The following DNAH12 variants were observed in gnomAD, a reference collection of about 807,000 sequenced individuals.
The protein encoded by DNAH12 is axonemal beta dynein heavy chain 12.
Under a neutral mutation model 371.5 loss-of-function variants are expected in DNAH12, and 285 were observed. That is an observed-to-expected ratio of 0.77 (90% CI 0.70 to 0.85). The LOEUF (loss-of-function observed/expected upper bound fraction) is 0.85. Among genes scored for constraint, DNAH12 ranks in the 40% least tolerant of loss-of-function variants. The probability of loss-of-function intolerance (pLI) is 0.00; values close to 1 mark genes in which losing one functional copy is unlikely to be tolerated. For synonymous variants in DNAH12, 1,200 were observed against 1,213.0 expected (o/e 0.99, Z 0.22); for missense variants, 3,611 against 3,689.4 (o/e 0.98, Z 0.55).
chr3:57,301,663 T>G (rs62252001), intron 70 of DNAH12, 72 bp downstream of exon 70: 1 of 1,407,168 alleles, frequency 7.1e-7, no homozygotes, highest in African/African-American at 1.5e-5. Flanking sequence ...TTTTACATAT[T>G]TATACATGTA....
At chr3:57,485,611 G>A (rs1174911196) in intron 12 of DNAH12, among the ~76,000 whole-genome samples, 1 of 151,842 alleles carries the variant, frequency 6.6e-6, no homozygotes, top group Non-Finnish European at 1.5e-5. Context: ...ATGTTGGCCA[G>A]GCTGGTCTTG....
intron 60 of DNAH12, among the ~76,000 whole-genome samples, chr3:57,343,610 A>G (rs1382213977): frequency 1.3e-5 from 2 of 152,192 alleles, no homozygotes; most frequent in Admixed American, 1.3e-4. Context: ...GAAAGACCTG[A>G]CCGTCCCCCA....
intron 2 of DNAH12, chr3:57,530,322 G>T: frequency 2.5e-6 from 1 of 397,156 alleles, no homozygotes; most frequent in Non-Finnish European, 4.7e-6. Flanking sequence ...TATTACATAA[G>T]CAAATACAGA....
chr3:57,486,409 A>C (rs997120515), intron 12 of DNAH12, among the ~76,000 whole-genome samples: 3 of 151,344 alleles, frequency 2.0e-5, no homozygotes, highest in African/African-American at 7.3e-5. Flanking sequence ...GTCTCTATTA[A>C]ATTTTTTTTA....
intron 41 of DNAH12, 143 bp from the exon 42 acceptor site, chr3:57,405,290 T>G (rs372752604): frequency 3.0e-6 from 2 of 677,548 alleles, no homozygotes; most frequent in South Asian, 4.6e-5. Context: ...ATAAAATTAA[T>G]ACCTGAAATT....
intron 2 of DNAH12, among the ~76,000 whole-genome samples, chr3:57,538,401 C>A (rs547524964): frequency 1.0e-5 from 1 of 96,368 alleles, no homozygotes; most frequent in Admixed American, 1.2e-4. Context: ...ACTTACAGAT[C>A]TGTATAAAGC....
Position 57,408,505 on chromosome 3 carries a change from C to T in DNAH12, c.6051G>A (p.Thr2017=), listed in dbSNP as rs1241993621. 7.7e-6 allele frequency: 12 copies of T among 1,548,586 alleles called. No individual in the cohort carries two copies. The highest frequency in any genetic ancestry group is 2.7e-5 in the African/African-American group (2 of 73,038). ...CAGCAATCAGCTCTATGTCCACCAGCGTGATTTTACTTGTGTCCTTAAGGT... is the reference window on the plus strand; with the variant it reads ...CAGCAATCAGCTCTATGTCCACCAGTGTGATTTTACTTGTGTCCTTAAGGT... ...WYDLKDTSKI[T]LVDIELIAAM... The change falls in exon 40 of 74, where the codon ACG becomes ACA. Residue 2017 remains threonine (T), a synonymous_variant. Transcript: ENST00000495027.
intron 4 of DNAH12, among the ~76,000 whole-genome samples, chr3:57,515,996 C>G (rs1292663878): frequency 6.7e-6 from 1 of 148,688 alleles, no homozygotes; most frequent in Admixed American, 6.7e-5. Context: ...GTTGCTCACT[C>G]CAAAATTCTT....
At chr3:57,508,802 A>C (rs2067874045) in intron 6 of DNAH12, among the ~76,000 whole-genome samples, 4 of 152,194 alleles carry the variant, frequency 2.6e-5, no homozygotes, top group Admixed American at 2.6e-4. Flanking sequence ...AGCTCTGCTA[A>C]CTTCCACTGT....
At chr3:57,355,229 C>T (rs1024985655) in intron 59 of DNAH12, among the ~76,000 whole-genome samples, 1 of 152,014 alleles carries the variant, frequency 6.6e-6, no homozygotes, top group African/African-American at 2.4e-5. Flanking sequence ...ATACATAGGA[C>T]CATGGGAATG....
At chr3:57,410,583 C>A (rs892024292) in intron 39 of DNAH12, among the ~76,000 whole-genome samples, 2 of 152,034 alleles carry the variant, frequency 1.3e-5, no homozygotes, top group East Asian at 1.9e-4. Flanking sequence ...CTTTAGGAGG[C>A]CAAGGTGGTG....
rs1345351581 is a variant in DNAH12 at position 57,296,912 on chromosome 3, C to T, written c.11467G>A (p.Gly3823Arg). The change falls in exon 71 of 74, where the codon GGA (glycine) becomes AGA (arginine). Residue 3823 changes from glycine to arginine, a missense_variant. By Grantham distance (125) the Gly-to-Arg change is moderately radical. Coordinates refer to ENST00000495027, the MANE Select transcript of DNAH12 (RefSeq NM_001366028.2). Reference protein sequence around the residue: ...GFFFTQAFLTGAMQNYARKYT... With the variant: ...GFFFTQAFLTRAMQNYARKYT... ...TTTCTGGCATAATTCTGCATAGCTC[C>T]AGTTAAAAAGGCCTGAGTGAAAAAG... 1 of 1,551,632 alleles carries T rather than the reference C, an allele frequency of 6.4e-7. No homozygotes were observed. Among genetic ancestry groups the T allele is most frequent in the South Asian group, 1.2e-5 (1 of 84,062 alleles).
intron 11 of DNAH12, chr3:57,498,477 T>C (rs1334415281): frequency 1.4e-6 from 1 of 712,252 alleles, no homozygotes; most frequent in East Asian, 2.7e-5. Flanking sequence ...CTACTATGCC[T>C]GGCTTAACAG....
chr3:57,357,144 C>T (rs1393414603), intron 59 of DNAH12, 32 bp downstream of exon 59: 28 of 152,004 alleles, frequency 1.8e-4, no homozygotes, highest in African/African-American at 6.0e-4. Flanking sequence ...AATCCAACCT[C>T]GGGAAGATGA....
chr3:57,383,209 T>A (rs2063431968), intron 49 of DNAH12, among the ~76,000 whole-genome samples: 2 of 152,180 alleles, frequency 1.3e-5, no homozygotes, highest in African/African-American at 4.8e-5. Flanking sequence ...CTTCCAACAA[T>A]TCTGTAATCC....
In DNAH12 at chr3:57,310,876, T is replaced by C. The variant is rs753691090; in HGVS notation, c.10737A>G (p.Gly3579=). The C allele has an allele frequency of 1.3e-5, 20 of 1,551,598 alleles. No individual in the cohort carries two copies. Among genetic ancestry groups the C allele is most frequent in the Middle Eastern group, 1.7e-4 (1 of 5,990 alleles). Reference sequence around the variant, plus strand: ...GTCTGTCCCAATCGTCTGTCACTCTTCCTCCATAATTACACTCCCCAGTCA... The same window carrying C: ...GTCTGTCCCAATCGTCTGTCACTCTCCCTCCATAATTACACTCCCCAGTCA... ...SYLTGECNYG[G]RVTDDWDRRL... Residue 3579 remains glycine, a synonymous_variant, in exon 67 of 74, where the codon GGA becomes GGG. Coordinates refer to ENST00000495027, the MANE Select transcript of DNAH12 (RefSeq NM_001366028.2).
intron 29 of DNAH12, among the ~76,000 whole-genome samples, chr3:57,440,324 C>T (rs1357581214): frequency 2.0e-5 from 3 of 152,144 alleles, no homozygotes; most frequent in Non-Finnish European, 4.4e-5. Flanking sequence ...TACATATATA[C>T]CATGGAATAC....
intron 37 of DNAH12, among the ~76,000 whole-genome samples, chr3:57,418,180 A>T (rs7642861): frequency 1.3e-5 from 2 of 151,068 alleles, no homozygotes; most frequent in South Asian, 2.1e-4. Context: ...CAAATAAATA[A>T]ATATATATAT....
rs1282251622 is a variant in DNAH12 at position 57,446,528 on chromosome 3, T to G, written c.3939+9A>C. On this transcript the variant is annotated intron_variant, in intron 26 of 73. Transcript: ENST00000495027. ...ACATTTAATATTATTGATTCAGCAA[T>G]TTAACTACCTTTCCCATTGCTAGAT... is the stretch of plus-strand genomic sequence containing the variant. 4 of 1,518,150 alleles carry G rather than the reference T, an allele frequency of 2.6e-6. No individual in the cohort carries two copies. The highest frequency in any genetic ancestry group is 3.5e-6 in the Non-Finnish European group (4 of 1,131,840). 94.0% of individuals were successfully genotyped at this position (1,518,150 alleles called of 1,614,324 possible). A position where few individuals can be genotyped will look rare whatever the true frequency, so the allele number is the denominator to read the frequency against.
Sources: allele counts gnomAD v4.1 joint callset (sites outside exome capture counted in the v4.1 genomes callset), GRCh38; gene constraint gnomAD v4.1.1; transcripts MANE v1.5; gene names NCBI Gene and HGNC (gene_info 2026-07-23, HGNC 2026-07-21).